Variants in FOXK1 observed in about 807,000 individuals in gnomAD.
FOXK1 encodes the protein forkhead box protein K1.
In FOXK1, 19 loss-of-function variants were observed where a neutral mutation model predicts 51.9. The observed-to-expected ratio is 0.37, with a 90% confidence interval of 0.26 to 0.54. FOXK1 has a LOEUF of 0.54. Among genes scored for constraint, FOXK1 ranks in the 20% least tolerant of loss-of-function variants. The probability of loss-of-function intolerance (pLI) is 0.87; values close to 1 mark genes in which losing one functional copy is unlikely to be tolerated. For synonymous variants in FOXK1, 537 were observed against 482.6 expected, an observed-to-expected ratio of 1.11 and a Z score of -1.48; for missense variants, 870 against 1,032.7, an observed-to-expected ratio of 0.84 and a Z score of 2.16.
Position 4,761,422 on chromosome 7 carries a change from C to T in FOXK1, c.1921+134C>T, listed in dbSNP as rs559377342. ...CAATTTATTGAGCACCTGCTATACT[C>T]CAGGCACTGGGGTAATGCAAAGAAA... On this transcript the variant is annotated intron_variant, in intron 8 of 8. Coordinates refer to ENST00000328914, the MANE Select transcript of FOXK1 (RefSeq NM_001037165.2). This position sits in a 1 kb window ranked among gnomAD's most constrained non-coding sequence, Gnocchi z 6.2. 177 of 937,324 alleles carry T rather than the reference C, an allele frequency of 1.9e-4. 2 individuals are homozygous for T. The South Asian group carries it at 2.7e-3, about 14-fold the overall frequency. The allele number at this position is 937,324 out of a possible 1,614,324, so 58.1% of individuals were successfully genotyped here.
rs1405156246 is a variant in FOXK1, at chr7:4,748,692, A to C, written c.747-5767A>C. Among the ~76,000 whole-genome samples, 1 of 152,174 alleles carries C rather than the reference A, an allele frequency of 6.6e-6. No homozygotes were observed. Among genetic ancestry groups the C allele is most frequent in the Non-Finnish European group, 1.5e-5 (1 of 68,036 alleles). ...CCATCCCCCAGTCGCTTCCTGGGAA[A>C]GGGCACAGGAGACAGACTTTTCATT... On this transcript the variant is annotated intron_variant, in intron 2 of 8. Coordinates refer to ENST00000328914, the MANE Select transcript of FOXK1 (RefSeq NM_001037165.2). This position sits in a 1 kb window ranked among gnomAD's most constrained non-coding sequence, Gnocchi z 4.9.
Position 4,686,414 on chromosome 7 carries a change from A to G in FOXK1, c.560+3546A>G, listed in dbSNP as rs965094816. 2.0e-5 allele frequency among the ~76,000 whole-genome samples: 3 copies of G among 152,314 alleles called. No homozygotes were observed. The South Asian group carries it at 6.2e-4, about 32-fold the overall frequency. On this transcript the variant is annotated intron_variant, in intron 1 of 8. Coordinates refer to ENST00000328914, the MANE Select transcript of FOXK1 (RefSeq NM_001037165.2). ...GGAAGTACGTAATTCCAAATCTTCA[A>G]TATTTTTAATTATTGGTGGGGGAAA...
At chr7:4,685,286 C>T (rs974723856) in intron 1 of FOXK1, among the ~76,000 whole-genome samples, 1 of 141,128 alleles carries the variant, frequency 7.1e-6, no homozygotes, top group African/African-American at 2.6e-5. Flanking sequence ...AGTGCAGTGG[C>T]TCACTGCAAA....
intron 1 of FOXK1, among the ~76,000 whole-genome samples, chr7:4,720,850 C>G (rs770740044): frequency 6.6e-6 from 1 of 151,654 alleles, no homozygotes; most frequent in African/African-American, 2.4e-5. Context: ...TCCTGAGCAC[C>G]TGGAATTAGA....
chr7:4,738,390 T>C (rs1045913428), intron 1 of FOXK1, among the ~76,000 whole-genome samples: 2 of 151,510 alleles, frequency 1.3e-5, no homozygotes, highest in Non-Finnish European at 2.9e-5. Flanking sequence ...TGAGCCAAGA[T>C]TGCGCCATTG....
In FOXK1 at chr7:4,705,946, TTATATATATATATG is replaced by T. The variant is rs1455689376; in HGVS notation, c.560+23091_560+23104del. On this transcript the variant is annotated intron_variant, in intron 1 of 8. Coordinates refer to ENST00000328914, the MANE Select transcript of FOXK1 (RefSeq NM_001037165.2). ...ACTATATCATTTCCAACTTTCAAAATTATATATATATATGTATATATATATACGTATATATACGT... is the reference window on the plus strand; with the variant it reads ...ACTATATCATTTCCAACTTTCAAAATTATATATATATACGTATATATACGT... Among the ~76,000 whole-genome samples, 508 of 132,520 alleles carry T rather than the reference TTATATATATATATG, an allele frequency of 3.8e-3. 20 individuals carry two copies. The highest frequency in any genetic ancestry group is 0.016 in the African/African-American group (485 of 29,782). 86.9% of individuals were successfully genotyped at this position (132,520 alleles called of 152,430 possible).
intron 1 of FOXK1, among the ~76,000 whole-genome samples, chr7:4,687,265 A>C (rs968652301): frequency 2.7e-5 from 4 of 149,030 alleles, no homozygotes; most frequent in Admixed American, 6.7e-5. Context: ...AATGTATCCA[A>C]CTGAATTCTT....
At chr7:4,706,025 T>TATATATATAC in intron 1 of FOXK1, among the ~76,000 whole-genome samples, 1 of 104,506 alleles carries the variant, frequency 9.6e-6, no homozygotes, top group African/African-American at 7.9e-5. Context: ...TATATATACG[T>TATATATATAC]GTATATACGT....
chr7:4,758,801 A>G lies in FOXK1; in HGVS notation c.1245-250A>G. On this transcript the variant is annotated intron_variant, in intron 5 of 8. Transcript: ENST00000328914. This position sits in a 1 kb window ranked among gnomAD's most constrained non-coding sequence, Gnocchi z 4.4. The stretch of plus-strand genomic sequence containing the variant: ...GTGAACTCCGTAGGTTGTTGCGTTC[A>G]CTGCAGCACCTCACATGATACCGTC... The G allele has an allele frequency of 2.0e-6, 1 of 496,236 alleles. No individual in the cohort carries two copies. Among genetic ancestry groups the G allele is most frequent in the Non-Finnish European group, 3.5e-6 (1 of 282,974 alleles). The allele number at this position is 496,236 out of a possible 1,614,324, so 30.7% of individuals were successfully genotyped here. A position where few individuals can be genotyped will look rare whatever the true frequency, so the allele number is the denominator to read the frequency against.
Position 4,766,535 on chromosome 7 carries a change from GT to G in FOXK1, c.*4072del, listed in dbSNP as rs1316709600. On this transcript the variant is annotated 3_prime_UTR_variant, in exon 9 of 9. Transcript: ENST00000328914. This position sits in a 1 kb window ranked among gnomAD's most constrained non-coding sequence, Gnocchi z 5.5. Reference sequence around the variant, plus strand: ...TTCTTTGATTTAAGAACAATGCCAAGTGAAAAAGCTGGGAATGAATTTCTGA... The same window carrying G: ...TTCTTTGATTTAAGAACAATGCCAAGGAAAAAGCTGGGAATGAATTTCTGA... The G allele has an allele frequency of 1.3e-5, 2 of 152,262 alleles. No individual in the cohort carries two copies. The highest frequency in any genetic ancestry group is 4.8e-5 in the African/African-American group (2 of 41,460). 9.4% of individuals were successfully genotyped at this position (152,262 alleles called of 1,614,324 possible).
chr7:4,697,057 C>T (rs1381146089), intron 1 of FOXK1, among the ~76,000 whole-genome samples: 2 of 152,094 alleles, frequency 1.3e-5, no homozygotes, highest in Admixed American at 6.6e-5. Context: ...GGCGACAGAG[C>T]GAGACTGTCT....
At position 4,768,934 on chromosome 7, in the gene FOXK1, G is replaced by A. The variant is rs1454897503; in HGVS notation, c.*6470G>A. 6.6e-6 allele frequency: 1 copy of A among 152,258 alleles called. No homozygotes were observed. The highest frequency in any genetic ancestry group is 2.4e-5 in the African/African-American group (1 of 41,432). The allele number at this position is 152,258 out of a possible 1,614,324, so 9.4% of individuals were successfully genotyped here. A position where few individuals can be genotyped will look rare whatever the true frequency, so the allele number is the denominator to read the frequency against. On this transcript the variant is annotated 3_prime_UTR_variant, in exon 9 of 9. Transcript: ENST00000328914. ...TTCCCTCGGGGCCAGCCATTCCCGG[G>A]AGGCCTGAGTGTGACCTGGAAGCTC...
In FOXK1 at chr7:4,761,213, C is replaced by T; in HGVS notation, c.1846C>T (p.His616Tyr). ...CACACCCGTGACCCTCGGGCAGCAC[C>T]ACCTTCCAGTCCGGGCCGTGACCCA... is the stretch of plus-strand genomic sequence containing the variant. ...PATPVTLGQH[H>Y]LPVRAVTQNG... Residue 616 changes from histidine (H) to tyrosine (Y), a missense_variant, in exon 8 of 9, where the codon CAC (histidine) becomes TAC (tyrosine). Physicochemically the swap from His to Tyr is moderately conservative, Grantham distance 83 (BLOSUM62 2). This residue lies in a region of FOXK1 where 457 missense variants were observed against 510.8 expected (regional missense o/e 0.89). Transcript: ENST00000328914. This position sits in a 1 kb window ranked among gnomAD's most constrained non-coding sequence, Gnocchi z 6.2. 6.2e-7 allele frequency: 1 copy of T among 1,613,212 alleles called. No homozygotes were observed. Among genetic ancestry groups the T allele is most frequent in the Non-Finnish European group, 8.5e-7 (1 of 1,180,034 alleles).
chr7:4,746,953 G>A (rs985386393), intron 2 of FOXK1, among the ~76,000 whole-genome samples: 1 of 152,216 alleles, frequency 6.6e-6, no homozygotes, highest in Non-Finnish European at 1.5e-5. Context: ...GAACTCTGGG[G>A]AAGTAACTAT....
rs541183391 is a variant in FOXK1, at chr7:4,761,010, A to T, written c.1697-54A>T. 1 of 1,545,364 alleles carries T rather than the reference A, an allele frequency of 6.5e-7. No individual in the cohort carries two copies. The highest frequency in any genetic ancestry group is 2.3e-5 in the East Asian group (1 of 43,940). On this transcript the variant is annotated intron_variant, in intron 7 of 8. Coordinates refer to ENST00000328914, the MANE Select transcript of FOXK1 (RefSeq NM_001037165.2). This position sits in a 1 kb window ranked among gnomAD's most constrained non-coding sequence, Gnocchi z 6.2. ...CCGACCTGCTGCCCAGGCGTCGAGG[A>T]AATCGATTGTCTCGTTGGCCGAGTG...
At chr7:4,716,467 C>G (rs981009944) in intron 1 of FOXK1, among the ~76,000 whole-genome samples, 1 of 152,172 alleles carries the variant, frequency 6.6e-6, no homozygotes, top group Non-Finnish European at 1.5e-5. Context: ...GATGGCACCA[C>G]TGCTCTCTAG....
chr7:4,744,501 C>T (rs1780676154), intron 2 of FOXK1, among the ~76,000 whole-genome samples: 1 of 152,194 alleles, frequency 6.6e-6, no homozygotes, highest in East Asian at 1.9e-4. Flanking sequence ...CAAGAGCAGG[C>T]GCTGTGCGGT....
intron 1 of FOXK1, among the ~76,000 whole-genome samples, chr7:4,708,260 C>G (rs984083474): frequency 2.6e-5 from 4 of 152,134 alleles, no homozygotes; most frequent in African/African-American, 7.2e-5. Context: ...GCAGAGAGGT[C>G]TCTAAAAATG....
intron 1 of FOXK1, among the ~76,000 whole-genome samples, chr7:4,740,137 A>T (rs1425025660): frequency 6.6e-6 from 1 of 152,108 alleles, no homozygotes; most frequent in Non-Finnish European, 1.5e-5. Context: ...TCTACTAAAA[A>T]TGCAAAAAAT....
Sources: gnomAD v4.1 joint callset for allele counts (sites outside exome capture counted in the v4.1 genomes callset) on GRCh38, gnomAD v4.1.1 for gene constraint, gnomAD v4.1.1 regional missense constraint, Gnocchi (gnomAD v3.1) non-coding constraint, MANE v1.5 for transcripts, NCBI Gene and HGNC (gene_info 2026-07-23, HGNC 2026-07-21) for gene names.